The following TMEM131L variants were observed in gnomAD, a reference collection of about 807,000 sequenced individuals.
The protein encoded by TMEM131L is transmembrane protein 131-like.
Under a neutral mutation model 192.2 loss-of-function variants are expected in TMEM131L, and 54 were observed. The observed-to-expected ratio is 0.28, with a 90% confidence interval of 0.23 to 0.35. The LOEUF (loss-of-function observed/expected upper bound fraction) is 0.35. Ranked by LOEUF, TMEM131L falls within the 10% of genes least tolerant of loss-of-function variation. TMEM131L has a pLI of 1.00. For missense variants in TMEM131L, 1,888 were observed against 1,972.9 expected, an observed-to-expected ratio of 0.96 and a Z score of 0.82; for synonymous variants, 701 against 704.9, an observed-to-expected ratio of 0.99 and a Z score of 0.09.
At position 153,471,759 on chromosome 4, in the gene TMEM131L, A is replaced by T. The variant is rs923509963; in HGVS notation, c.196-2086A>T. On this transcript the variant is annotated intron_variant, in intron 2 of 34. Transcript: ENST00000409959. ...GTGCTAGGCAGGGCTGGGCAGGCTCAGTGCTCCACTGCCGTTACTTGTTCA... is the reference window on the plus strand; with the variant it reads ...GTGCTAGGCAGGGCTGGGCAGGCTCTGTGCTCCACTGCCGTTACTTGTTCA... Among the ~76,000 whole-genome samples, 4 of 152,218 alleles carry T rather than the reference A, an allele frequency of 2.6e-5. No homozygotes were observed. In the South Asian group the frequency reaches 8.3e-4, roughly 31 times the overall value.
At chr4:153,592,367 G>A (rs1041086976) in intron 17 of TMEM131L, 108 bp from the exon 18 acceptor site, 1 of 709,350 alleles carries the variant, frequency 1.4e-6, no homozygotes, top group South Asian at 1.6e-5. Flanking sequence ...TTCTTGATTG[G>A]AGTTACATGA....
chr4:153,486,079 G>T (rs1165141759), intron 3 of TMEM131L, among the ~76,000 whole-genome samples: 1 of 152,118 alleles, frequency 6.6e-6, no homozygotes, highest in Non-Finnish European at 1.5e-5. Flanking sequence ...AGGAGACTAA[G>T]TCCGAGATTA....
intron 12 of TMEM131L, among the ~76,000 whole-genome samples, 153 bp from the exon 13 acceptor site, chr4:153,585,305 G>C (rs1055075833): frequency 6.6e-6 from 1 of 152,202 alleles, no homozygotes; most frequent in East Asian, 1.9e-4. Flanking sequence ...TGAGCCAGAA[G>C]GTTGAAGGAG....
intron 2 of TMEM131L, among the ~76,000 whole-genome samples, chr4:153,470,913 T>C (rs879894225): frequency 5.9e-5 from 9 of 152,228 alleles, no homozygotes; most frequent in Non-Finnish European, 1.0e-4. Flanking sequence ...CCTTCCTGAC[T>C]CCTGCCCTGC....
At chr4:153,632,960 T>C in intron 32 of TMEM131L, 122 bp downstream of exon 32, 1 of 1,137,022 alleles carries the variant, frequency 8.8e-7, no homozygotes, top group East Asian at 2.5e-5. Flanking sequence ...TTGGTGTACT[T>C]TAGCTGTGCG....
intron 7 of TMEM131L, among the ~76,000 whole-genome samples, chr4:153,560,366 G>A (rs1411900726): frequency 6.6e-6 from 1 of 152,210 alleles, no homozygotes; most frequent in Non-Finnish European, 1.5e-5. Flanking sequence ...TCCCTGCACT[G>A]TAGCCTACCT....
chr4:153,550,533 C>T (rs111543012), intron 4 of TMEM131L, among the ~76,000 whole-genome samples: 64 of 152,126 alleles, frequency 4.2e-4, no homozygotes, highest in Non-Finnish European at 7.6e-4. Context: ...TCACCGTGTT[C>T]GCCAGGATGG....
rs1375232248 is a variant in TMEM131L, at chr4:153,604,452, A to G, written c.3418+22A>G. 5 of 1,578,082 alleles carry G rather than the reference A, an allele frequency of 3.2e-6. 1 individual carries two copies. Among genetic ancestry groups the G allele is most frequent in the South Asian group, 2.4e-5 (2 of 84,522 alleles). On this transcript the variant is annotated intron_variant, in intron 25 of 34. Transcript: ENST00000409959. ...AATGGTAATCTTTTCATCCCCTTTGATAATTCTCTCCTGTTTGTACCCAGT... is the reference window on the plus strand; with the variant it reads ...AATGGTAATCTTTTCATCCCCTTTGGTAATTCTCTCCTGTTTGTACCCAGT...
In TMEM131L at chr4:153,466,366, G is replaced by C. The variant is rs1434489467; in HGVS notation, c.-32G>C. 3.2e-6 allele frequency: 4 copies of C among 1,237,910 alleles called. No homozygotes were observed. The highest frequency in any genetic ancestry group is 4.0e-6 in the Non-Finnish European group (4 of 987,666). The allele number at this position is 1,237,910 out of a possible 1,614,324, so 76.7% of individuals were successfully genotyped here. The stretch of plus-strand genomic sequence containing the variant: ...GCGCCAGCGAGCTAGCGGCGAGCGC[G>C]GCGAGCAACGGAGAGGAGCGCGAGC... On this transcript the variant is annotated 5_prime_UTR_variant, in exon 1 of 35. Transcript: ENST00000409959.
chr4:153,574,830 C>T (rs769651233), intron 7 of TMEM131L, among the ~76,000 whole-genome samples: 2 of 152,084 alleles, frequency 1.3e-5, no homozygotes, highest in African/African-American at 4.8e-5. Flanking sequence ...TCGAGTGATC[C>T]GCCCTCCTTG....
intron 25 of TMEM131L, among the ~76,000 whole-genome samples, chr4:153,608,747 A>C (rs927160756): frequency 6.6e-6 from 1 of 152,238 alleles, no homozygotes; most frequent in Admixed American, 6.5e-5. Context: ...TTCAAAACAG[A>C]CCACGTGATT....
intron 3 of TMEM131L, among the ~76,000 whole-genome samples, chr4:153,493,527 G>T (rs2149910546): frequency 6.6e-6 from 1 of 152,082 alleles, no homozygotes; most frequent in Non-Finnish European, 1.5e-5. Context: ...GGGCATGGCG[G>T]TGCGCACTGG....
intron 20 of TMEM131L, among the ~76,000 whole-genome samples, chr4:153,596,603 G>A (rs1170614524): frequency 6.6e-6 from 1 of 152,166 alleles, no homozygotes; most frequent in South Asian, 2.1e-4. Context: ...GGGAGTGTGC[G>A]TGCATGTCTC....
chr4:153,542,728 G>A (rs955868652), intron 3 of TMEM131L, among the ~76,000 whole-genome samples: 1 of 152,234 alleles, frequency 6.6e-6, no homozygotes, highest in African/African-American at 2.4e-5. Context: ...TAGGGAAGGT[G>A]AAGAAGGATC....
intron 4 of TMEM131L, among the ~76,000 whole-genome samples, chr4:153,554,770 T>C (rs1486588095): frequency 6.6e-6 from 1 of 152,238 alleles, no homozygotes; most frequent in African/African-American, 2.4e-5. Context: ...GCTGGCTCCC[T>C]GTTCATTGCA....
At chr4:153,602,983 CATG>C (rs1731952953) in intron 23 of TMEM131L, among the ~76,000 whole-genome samples, 2 of 152,202 alleles carry the variant, frequency 1.3e-5, no homozygotes, top group East Asian at 1.9e-4. Flanking sequence ...CATAGGCAGT[CATG>C]GTGGATGATA....
chr4:153,509,773 C>T (rs1432292096), intron 3 of TMEM131L, among the ~76,000 whole-genome samples: 1 of 152,176 alleles, frequency 6.6e-6, no homozygotes, highest in Non-Finnish European at 1.5e-5. Context: ...TGATTCTTAA[C>T]CCTGACCCAC....
chr4:153,592,287 C>T (rs1341286818), intron 17 of TMEM131L, among the ~76,000 whole-genome samples, 188 bp from the exon 18 acceptor site: 1 of 151,948 alleles, frequency 6.6e-6, no homozygotes, highest in African/African-American at 2.4e-5. Context: ...TTTAATCTTC[C>T]CCAGCTGTTC....
chr4:153,473,097 G>A (rs1259969988), intron 2 of TMEM131L, among the ~76,000 whole-genome samples: 1 of 152,228 alleles, frequency 6.6e-6, no homozygotes, highest in East Asian at 1.9e-4. Context: ...TGTAGGGGTA[G>A]GGCTGGGTGT....
Sources: gnomAD v4.1 joint callset for allele counts (sites outside exome capture counted in the v4.1 genomes callset) on GRCh38, gnomAD v4.1.1 for gene constraint, MANE v1.5 for transcripts, NCBI Gene and HGNC (gene_info 2026-07-23, HGNC 2026-07-21) for gene names.